Variants in GALNT15 observed in about 807,000 individuals in gnomAD.
The protein encoded by GALNT15 is UDP-GalNAc transferase T15.
GALNT15 carries 67 observed loss-of-function variants against 66.8 expected under a neutral mutation model. The observed-to-expected ratio is 1.00, with a 90% CI of 0.82 to 1.23. GALNT15 has a LOEUF of 1.23. GALNT15 is among the 50% of genes most tolerant of loss of function. The pLI is 0.00. For synonymous variants in GALNT15, 313 were observed against 311.5 expected (o/e 1.00, Z -0.05); for missense variants, 827 against 804.3 (o/e 1.03, Z -0.34).
downstream of GALNT15, among the ~76,000 whole-genome samples, chr3:16,236,130 A>AAAAAAAAAAAAAAAAC: frequency 6.8e-6 from 1 of 147,518 alleles, no homozygotes. Flanking sequence ...AAAAAAAAAA[A>AAAAAAAAAAAAAAAAC]AGGACTGGGC....
intron 2 of GALNT15, among the ~76,000 whole-genome samples, chr3:16,197,618 C>T (rs1016204281): frequency 6.6e-6 from 1 of 152,172 alleles, no homozygotes; most frequent in Admixed American, 6.5e-5. Context: ...GATGGGCTTC[C>T]AAGCCGATGG....
chr3:16,229,860 T>C lies in GALNT15; in HGVS notation c.*2360T>C. On this transcript the variant is annotated 3_prime_UTR_variant, in exon 10 of 10. Coordinates refer to ENST00000339732, the MANE Select transcript of GALNT15 (RefSeq NM_054110.5). ...TTCCTTAACCAGCTCCATGATTTAT[T>C]ACTTTATTGCAGAAGTGGCTGTCAA... The C allele has an allele frequency of 3.8e-6, 2 of 519,962 alleles. No homozygotes were observed. The highest frequency in any genetic ancestry group is 4.9e-6 in the Non-Finnish European group (2 of 404,750). 32.2% of individuals were successfully genotyped at this position (519,962 alleles called of 1,614,324 possible).
chr3:16,191,215 T>C lies in GALNT15; in HGVS notation c.540-4545T>C, dbSNP rs1017976304. On this transcript the variant is annotated intron_variant, in intron 1 of 9. Transcript: ENST00000339732. The surrounding 1 kb of genome is among the most constrained non-coding windows in gnomAD (Gnocchi z 5.2). ...GGAGTCTATGAAATTCTCTTTGAAA[T>C]GCTTGCTGTCCTTATTTTTCTGCCT... Among the ~76,000 whole-genome samples, 43 of 152,330 alleles carry C rather than the reference T, an allele frequency of 2.8e-4. No homozygotes were observed. The highest frequency in any genetic ancestry group is 9.9e-4 in the African/African-American group (41 of 41,578).
At chr3:16,243,672 G>T in the GALNT15 span, among the ~76,000 whole-genome samples, 5 of 152,222 alleles carry the variant, frequency 3.3e-5, no homozygotes, top group African/African-American at 7.2e-5. Context: ...TTTGGGAAAA[G>T]ATTGGGAAGC....
intron 2 of GALNT15, among the ~76,000 whole-genome samples, chr3:16,197,518 C>T (rs1204606874): frequency 6.6e-6 from 1 of 152,164 alleles, no homozygotes; most frequent in African/African-American, 2.4e-5. Flanking sequence ...TCCTCTTGGC[C>T]ACCCAGAGAG....
Position 16,225,017 on chromosome 3 carries a change from G to A in GALNT15, c.1773+2259G>A, listed in dbSNP as rs945849318. ...AGAAAAAAGGTGTAATTGGCTCATG[G>A]TTCTGCAGGCTGTATAGGAAGCATA... On this transcript the variant is annotated intron_variant, in intron 9 of 9. Coordinates refer to ENST00000339732, the MANE Select transcript of GALNT15 (RefSeq NM_054110.5). The surrounding 1 kb of genome is among the most constrained non-coding windows in gnomAD (Gnocchi z 4.4). 2.6e-5 allele frequency among the ~76,000 whole-genome samples: 4 copies of A among 152,200 alleles called. No homozygotes were observed. The highest frequency in any genetic ancestry group is 1.3e-4 in the Admixed American group (2 of 15,288).
intron 3 of GALNT15, among the ~76,000 whole-genome samples, chr3:16,202,884 C>T (rs752453046): frequency 3.3e-5 from 5 of 152,184 alleles, no homozygotes; most frequent in African/African-American, 4.8e-5. Flanking sequence ...TAAAAAAGAC[C>T]CCTCAGGGTC....
In GALNT15 at chr3:16,229,008, C is replaced by A; in HGVS notation, c.*1508C>A. ...TAAGAGTTGCCGAATGGGATGGGTT[C>A]TGCTATTTAATAAACAGCATTCATA... On this transcript the variant is annotated 3_prime_UTR_variant, in exon 10 of 10. Transcript: ENST00000339732. 1.0e-6 allele frequency: 1 copy of A among 985,414 alleles called. No individual in the cohort carries two copies. The highest frequency in any genetic ancestry group is 1.2e-6 in the Non-Finnish European group (1 of 829,936). The allele number at this position is 985,414 out of a possible 1,614,324, so 61.0% of individuals were successfully genotyped here. A position where few individuals can be genotyped will look rare whatever the true frequency, so the allele number is the denominator to read the frequency against.
In GALNT15 at chr3:16,183,494, C is replaced by T. The variant is rs762182554; in HGVS notation, c.539+7804C>T. The stretch of plus-strand genomic sequence containing the variant: ...TGTTAATCTTGACAACCAACTTACA[C>T]ACTTCCTGAGAACAAGTTCAGTGTC... On this transcript the variant is annotated intron_variant, in intron 1 of 9. Coordinates refer to ENST00000339732, the MANE Select transcript of GALNT15 (RefSeq NM_054110.5). This position sits in a 1 kb window ranked among gnomAD's most constrained non-coding sequence, Gnocchi z 5.2. Among the ~76,000 whole-genome samples the T allele has an allele frequency of 6.6e-6, 1 of 152,252 alleles. No individual in the cohort carries two copies. The highest frequency in any genetic ancestry group is 1.5e-5 in the Non-Finnish European group (1 of 68,042).
chr3:16,244,376 AG>A, the GALNT15 span, among the ~76,000 whole-genome samples: 11 of 152,244 alleles, frequency 7.2e-5, no homozygotes, highest in Non-Finnish European at 1.5e-4. Flanking sequence ...GGAGAGGAAC[AG>A]GCATTCCAGG....
In GALNT15 at chr3:16,219,439, C is replaced by A. The variant is rs199648127; in HGVS notation, c.1429C>A (p.Gln477Lys). The change falls in exon 7 of 10, where the codon CAA becomes AAA. Residue 477 changes from glutamine to lysine, a missense_variant. By Grantham distance (53) the Gln-to-Lys change is moderately conservative. Coordinates refer to ENST00000339732, the MANE Select transcript of GALNT15 (RefSeq NM_054110.5). This position sits in a 1 kb window ranked among gnomAD's most constrained non-coding sequence, Gnocchi z 4.3. Reference sequence around the variant, plus strand: ...AGACTGCATGGAACGCTTGCAGCTGCAAAGGAGACTGGGTTGTCGGACATT... The same window carrying A: ...AGACTGCATGGAACGCTTGCAGCTGAAAAGGAGACTGGGTTGTCGGACATT... ...KPDCMERLQLQRRLGCRTFHW... is the reference protein window; with the variant it reads ...KPDCMERLQLKRRLGCRTFHW... 1.2e-6 allele frequency: 2 copies of A among 1,614,196 alleles called. No homozygotes were observed. Among genetic ancestry groups the A allele is most frequent in the Non-Finnish European group, 1.7e-6 (2 of 1,180,018 alleles).
chr3:16,235,447 G>T (rs538899252), downstream of GALNT15, among the ~76,000 whole-genome samples: 8 of 152,286 alleles, frequency 5.3e-5, no homozygotes, highest in South Asian at 1.5e-3. Flanking sequence ...GGATATAGAA[G>T]TATACCATAG....
Position 16,203,300 on chromosome 3 carries a change from A to T in GALNT15, c.911+2477A>T, listed in dbSNP as rs1305760319. On this transcript the variant is annotated intron_variant, in intron 3 of 9. Transcript: ENST00000339732. This position sits in a 1 kb window ranked among gnomAD's most constrained non-coding sequence, Gnocchi z 6.2. ...TGAGTCCCTCGTATCTGCTTCTCACATCGGGGCCCCATTTCCCAGAGCTAG... is the reference window on the plus strand; with the variant it reads ...TGAGTCCCTCGTATCTGCTTCTCACTTCGGGGCCCCATTTCCCAGAGCTAG... Among the ~76,000 whole-genome samples, 2 of 152,046 alleles carry T rather than the reference A, an allele frequency of 1.3e-5. No individual in the cohort carries two copies. The highest frequency in any genetic ancestry group is 3.9e-4 in the East Asian group (2 of 5,180).
Position 16,184,776 on chromosome 3 carries a change from T to C in GALNT15, c.539+9086T>C, listed in dbSNP as rs2063501951. ...GAGGCATGTGTTCAAGGCAGCTACC[T>C]CTGTGGGCAGCTGGAGCTCAGCCCT... On this transcript the variant is annotated intron_variant, in intron 1 of 9. Transcript: ENST00000339732. This position sits in a 1 kb window ranked among gnomAD's most constrained non-coding sequence, Gnocchi z 5.0. Among the ~76,000 whole-genome samples the C allele has an allele frequency of 6.6e-6, 1 of 152,194 alleles. No individual in the cohort carries two copies. The highest frequency in any genetic ancestry group is 2.4e-5 in the African/African-American group (1 of 41,450).
the GALNT15 span, among the ~76,000 whole-genome samples, chr3:16,237,241 G>A: frequency 6.6e-6 from 1 of 152,168 alleles, no homozygotes; most frequent in Admixed American, 6.6e-5. The surrounding 1 kb of genome is among the most constrained non-coding windows in gnomAD (Gnocchi z 4.2). Context: ...CTTGAGGCCA[G>A]GGCTATACCA....
the GALNT15 span, among the ~76,000 whole-genome samples, chr3:16,242,429 A>C: frequency 6.6e-6 from 1 of 152,108 alleles, no homozygotes; most frequent in Non-Finnish European, 1.5e-5. This position sits in a 1 kb window ranked among gnomAD's most constrained non-coding sequence, Gnocchi z 5.6. Flanking sequence ...TTAGAGCTGG[A>C]GGTGGAAACA....
the GALNT15 span, among the ~76,000 whole-genome samples, chr3:16,237,545 T>A: frequency 6.6e-6 from 1 of 152,292 alleles, no homozygotes; most frequent in African/African-American, 2.4e-5. This position sits in a 1 kb window ranked among gnomAD's most constrained non-coding sequence, Gnocchi z 4.2. Flanking sequence ...GCTATTATCG[T>A]CTAGTGAGCC....
In GALNT15 at chr3:16,227,317, G is replaced by A. The variant is rs1045192350; in HGVS notation, c.1774-37G>A. On this transcript the variant is annotated intron_variant, in intron 9 of 9. Coordinates refer to ENST00000339732, the MANE Select transcript of GALNT15 (RefSeq NM_054110.5). The surrounding 1 kb of genome is among the most constrained non-coding windows in gnomAD (Gnocchi z 4.5). ...TTTCTTTTGCTGACTGATTGTGGGG[G>A]ACTGGTTTTCTTTTCTTTTTTCCTT... is the stretch of plus-strand genomic sequence containing the variant. 3 of 1,594,374 alleles carry A rather than the reference G, an allele frequency of 1.9e-6. No homozygotes were observed. The African/African-American group carries it at 4.1e-5, about 22-fold the overall frequency.
chr3:16,211,874 T>A lies in GALNT15; in HGVS notation c.1197+633T>A, dbSNP rs1356774959. 6.6e-6 allele frequency among the ~76,000 whole-genome samples: 1 copy of A among 152,246 alleles called. No homozygotes were observed. Among genetic ancestry groups the A allele is most frequent in the Non-Finnish European group, 1.5e-5 (1 of 68,046 alleles). ...ATGAAGTCCAACAGATGTCACCGTGTTTCTCTCAAAAATTTAACCCCAGAC... is the reference window on the plus strand; with the variant it reads ...ATGAAGTCCAACAGATGTCACCGTGATTCTCTCAAAAATTTAACCCCAGAC... On this transcript the variant is annotated intron_variant, in intron 5 of 9. Coordinates refer to ENST00000339732, the MANE Select transcript of GALNT15 (RefSeq NM_054110.5). This position sits in a 1 kb window ranked among gnomAD's most constrained non-coding sequence, Gnocchi z 4.3.
Sources: gnomAD v4.1 joint callset for allele counts (sites outside exome capture counted in the v4.1 genomes callset) on GRCh38, gnomAD v4.1.1 for gene constraint, Gnocchi (gnomAD v3.1) non-coding constraint, MANE v1.5 for transcripts, NCBI Gene and HGNC (gene_info 2026-07-23, HGNC 2026-07-21) for gene names.